MCF2L: variants seen among roughly 807,000 people sequenced by gnomAD.
MCF2L encodes MCF.2 cell line derived transforming sequence like.
A neutral mutation model predicts 153.4 loss-of-function variants in MCF2L; 97 were observed. That is an observed-to-expected ratio of 0.63 (90% CI 0.54 to 0.75). The LOEUF (loss-of-function observed/expected upper bound fraction) is 0.75. Ranked by LOEUF, MCF2L falls within the 30% of genes least tolerant of loss-of-function variation. The probability of loss-of-function intolerance (pLI) is 0.00; values close to 1 mark genes in which losing one functional copy is unlikely to be tolerated. For missense variants in MCF2L, 1,347 were observed against 1,495.2 expected (o/e 0.90, Z 1.64); for synonymous variants, 659 against 632.2 (o/e 1.04, Z -0.64).
intron 2 of MCF2L, among the ~76,000 whole-genome samples, chr13:112,921,131 T>C (rs903561410): frequency 6.6e-6 from 1 of 151,888 alleles, no homozygotes; most frequent in Non-Finnish European, 1.5e-5. Flanking sequence ...GAGCCGAGAT[T>C]GCACCACTGC....
chr13:112,966,821 A>G (rs1209619704), upstream of MCF2L, among the ~76,000 whole-genome samples: 1 of 152,228 alleles, frequency 6.6e-6, no homozygotes, highest in Non-Finnish European at 1.5e-5. This position sits in a 1 kb window ranked among gnomAD's most constrained non-coding sequence, Gnocchi z 4.1. Flanking sequence ...AGTGTTTCTC[A>G]AAGTGTGGAC....
At chr13:112,972,045 T>A (rs1284960207) in intron 1 of MCF2L, among the ~76,000 whole-genome samples, 1 of 152,318 alleles carries the variant, frequency 6.6e-6, no homozygotes, top group African/African-American at 2.4e-5. Context: ...TGGGGTAGGG[T>A]CTGATAATTG....
intron 2 of MCF2L, among the ~76,000 whole-genome samples, chr13:113,015,308 G>T (rs2084435561): frequency 6.6e-6 from 1 of 152,250 alleles, no homozygotes; most frequent in Non-Finnish European, 1.5e-5. Flanking sequence ...CAGCACCCCT[G>T]TGTGGGTACA....
At chr13:112,973,882 G>A (rs1195250471) in intron 1 of MCF2L, among the ~76,000 whole-genome samples, 1 of 152,148 alleles carries the variant, frequency 6.6e-6, no homozygotes, top group Non-Finnish European at 1.5e-5. Context: ...AGTTTCATGG[G>A]GACTTGTGTT....
chr13:113,090,474 G>A (rs983134890), intron 26 of MCF2L: 5 of 980,730 alleles, frequency 5.1e-6, no homozygotes, highest in South Asian at 4.7e-5. Flanking sequence ...TCTCAGGTGA[G>A]TTCCCTGCAG....
chr13:113,005,354 C>T (rs1473944833), intron 1 of MCF2L, among the ~76,000 whole-genome samples: 2 of 152,182 alleles, frequency 1.3e-5, no homozygotes, highest in African/African-American at 4.8e-5. Flanking sequence ...GTGGGGAAGC[C>T]TGGGGAGATG....
intron 1 of MCF2L, among the ~76,000 whole-genome samples, chr13:112,999,124 G>T (rs2083258937): frequency 6.6e-6 from 1 of 152,220 alleles, no homozygotes; most frequent in African/African-American, 2.4e-5. Context: ...GGGCCATTGT[G>T]AGCCAGTCCC....
At chr13:113,063,002 G>A (rs1313989780) in intron 5 of MCF2L, among the ~76,000 whole-genome samples, 2 of 152,182 alleles carry the variant, frequency 1.3e-5, no homozygotes, top group African/African-American at 4.8e-5. Context: ...CAGGAACAGG[G>A]ACAAAAATGA....
chr13:112,969,037 G>T (rs529045760), upstream of MCF2L, among the ~76,000 whole-genome samples: 2 of 150,336 alleles, frequency 1.3e-5, no homozygotes, highest in African/African-American at 4.9e-5. The surrounding 1 kb of genome is among the most constrained non-coding windows in gnomAD (Gnocchi z 4.8). Flanking sequence ...GAGCCCCGGG[G>T]CTCCCCGACG....
intron 2 of MCF2L, among the ~76,000 whole-genome samples, chr13:112,927,369 A>C (rs78267925): frequency 1.3e-5 from 2 of 152,140 alleles, no homozygotes; most frequent in East Asian, 1.9e-4. Flanking sequence ...CGTAAAATAC[A>C]TGGTTTCTAG....
At chr13:113,071,246 G>C (rs2032889247) in intron 9 of MCF2L, among the ~76,000 whole-genome samples, 1 of 152,110 alleles carries the variant, frequency 6.6e-6, no homozygotes. Context: ...GTTTGGTTTT[G>C]TGCTTTTGTT....
intron 1 of MCF2L, among the ~76,000 whole-genome samples, chr13:112,986,220 G>C (rs2140939016): frequency 6.7e-6 from 1 of 150,316 alleles, no homozygotes; most frequent in Admixed American, 6.6e-5. Context: ...TGTGAGGATG[G>C]GGCCGCGGCC....
At chr13:113,076,855 G>A (rs1024848216) in intron 12 of MCF2L, among the ~76,000 whole-genome samples, 197 bp from the exon 13 acceptor site, 7 of 152,242 alleles carry the variant, frequency 4.6e-5, no homozygotes, top group Admixed American at 1.3e-4. Flanking sequence ...CCGGGGCCCC[G>A]TCCCGTGTGG....
intron 2 of MCF2L, among the ~76,000 whole-genome samples, chr13:112,908,742 G>GGT (rs1555349046): frequency 1.4e-5 from 2 of 147,606 alleles, no homozygotes; most frequent in South Asian, 2.1e-4. Context: ...GTTTTTTTTT[G>GGT]TTTTTTTTTG....
intron 2 of MCF2L, among the ~76,000 whole-genome samples, chr13:112,903,665 C>T (rs2081141419): frequency 6.6e-6 from 1 of 152,140 alleles, no homozygotes; most frequent in Non-Finnish European, 1.5e-5. Context: ...GTGCTTAGTT[C>T]TGCGGGATTA....
rs74445537 is a variant in MCF2L at position 112,909,310 on chromosome 13, G to A, written c.169+6939G>A. 1.4e-4 allele frequency: 107 copies of A among 779,662 alleles called. No individual in the cohort carries two copies. The African/African-American group carries it at 1.4e-3, about 10-fold the overall frequency. 48.3% of individuals were successfully genotyped at this position (779,662 alleles called of 1,614,324 possible). On this transcript the variant is annotated intron_variant, in intron 2 of 29. Transcript: ENST00000375608. ...GTCCTGCCAGTCTCGGGAGGCACTC[G>A]GCAGTGTGAGTACATCCTTCACCTC...
At chr13:112,894,474 G>C (rs926668803) in intron 1 of MCF2L, 7 of 151,580 alleles carry the variant, frequency 4.6e-5, no homozygotes, top group Non-Finnish European at 7.4e-5. Flanking sequence ...GGGGGTGACG[G>C]GAGGGGGCGC....
At position 112,943,278 on chromosome 13, in the gene MCF2L, G is replaced by C. The variant is rs1594362322; in HGVS notation, c.169+40907G>C. Among the ~76,000 whole-genome samples the C allele has an allele frequency of 6.6e-6, 1 of 152,062 alleles. No homozygotes were observed. Among genetic ancestry groups the C allele is most frequent in the East Asian group, 1.9e-4 (1 of 5,154 alleles). ...GCCCGCGGCGCCTGTGCTGAGTCCC[G>C]ACGCTGTGCGCCCCACTCCCGAGGC... is the stretch of plus-strand genomic sequence containing the variant. On this transcript the variant is annotated intron_variant, in intron 2 of 29. Coordinates refer to the MCF2L transcript ENST00000375608. The surrounding 1 kb of genome is among the most constrained non-coding windows in gnomAD (Gnocchi z 4.2).
At chr13:112,909,233 C>T (rs916583311) in intron 2 of MCF2L, 4 of 779,672 alleles carry the variant, frequency 5.1e-6, no homozygotes, top group Middle Eastern at 2.2e-4. Flanking sequence ...TGTCTAATCC[C>T]TTGCTTGTGA....
Sources: allele counts gnomAD v4.1 joint callset (sites outside exome capture counted in the v4.1 genomes callset), GRCh38; gene constraint gnomAD v4.1.1; non-coding constraint Gnocchi (gnomAD v3.1); transcripts MANE v1.5; gene names NCBI Gene and HGNC (gene_info 2026-07-23, HGNC 2026-07-21).